Variants in PDGFD observed in about 807,000 individuals in gnomAD.
PDGFD encodes platelet-derived growth factor D.
Under a neutral mutation model 44.7 loss-of-function variants are expected in PDGFD, and 30 were observed. The observed-to-expected ratio is 0.67, with a 90% CI of 0.50 to 0.91. The LOEUF (loss-of-function observed/expected upper bound fraction) is 0.91. PDGFD is among the 40% of genes least tolerant of loss of function. The pLI is 0.00. For synonymous variants in PDGFD, 173 were observed against 168.4 expected (o/e 1.03, Z -0.21); for missense variants, 445 against 457.8 (o/e 0.97, Z 0.25).
chr11:104,128,190 T>C (rs1165255494), intron 1 of PDGFD, among the ~76,000 whole-genome samples: 1 of 138,506 alleles, frequency 7.2e-6, no homozygotes. Context: ...GAGACGAGTA[T>C]AAAGGGACAT....
intron 6 of PDGFD, among the ~76,000 whole-genome samples, chr11:103,925,686 T>C (rs1206633001): frequency 2.2e-5 from 2 of 89,864 alleles, no homozygotes; most frequent in African/African-American, 3.9e-5. Flanking sequence ...TGTGTATATA[T>C]ATATATATAT....
At chr11:104,148,764 GCCCC>G in intron 1 of PDGFD, among the ~76,000 whole-genome samples, 1 of 151,770 alleles carries the variant, frequency 6.6e-6, no homozygotes, top group Non-Finnish European at 1.5e-5. Flanking sequence ...CCTCTGAAAG[GCCCC>G]AGTGTGTGTT....
chr11:104,158,510 A>G (rs1269216749), intron 1 of PDGFD, among the ~76,000 whole-genome samples: 1 of 152,236 alleles, frequency 6.6e-6, no homozygotes, highest in Non-Finnish European at 1.5e-5. Context: ...ACTTAGCACA[A>G]TATACAGGAG....
chr11:103,957,300 T>C (rs1198600072), intron 3 of PDGFD, among the ~76,000 whole-genome samples: 1 of 152,178 alleles, frequency 6.6e-6, no homozygotes, highest in African/African-American at 2.4e-5. Context: ...CCCAAGGTAA[T>C]TTATAGATTC....
intron 1 of PDGFD, among the ~76,000 whole-genome samples, chr11:104,016,793 G>A (rs1859864460): frequency 6.6e-6 from 1 of 152,204 alleles, no homozygotes; most frequent in South Asian, 2.1e-4. Context: ...CTCTGAACAA[G>A]GTGGTTATAA....
chr11:104,159,026 G>A (rs35311303), intron 1 of PDGFD, among the ~76,000 whole-genome samples: 4,805 of 151,728 alleles, frequency 0.032, 135 homozygotes, highest in Admixed American at 0.082. Context: ...GGTGGTAGGC[G>A]CCTGTAGTCC....
At chr11:104,105,517 T>C (rs933023834) in intron 1 of PDGFD, among the ~76,000 whole-genome samples, 18 of 152,132 alleles carry the variant, frequency 1.2e-4, no homozygotes, top group African/African-American at 4.3e-4. Context: ...CTAACTCACA[T>C]AAGACTAAAA....
chr11:104,022,828 GAC>G (rs994073945), intron 1 of PDGFD, among the ~76,000 whole-genome samples: 4 of 151,810 alleles, frequency 2.6e-5, no homozygotes, highest in African/African-American at 9.7e-5. Flanking sequence ...CACACACATA[GAC>G]ACACACACTC....
intron 1 of PDGFD, among the ~76,000 whole-genome samples, chr11:104,121,066 C>A (rs954250599): frequency 9.2e-5 from 14 of 152,058 alleles, no homozygotes; most frequent in South Asian, 4.1e-4. Context: ...TTTAATCCAA[C>A]AAAAGCAATT....
chr11:104,143,475 G>A (rs1445164226), intron 1 of PDGFD, among the ~76,000 whole-genome samples: 1 of 152,168 alleles, frequency 6.6e-6, no homozygotes, highest in Non-Finnish European at 1.5e-5. Context: ...AAACCTGGCA[G>A]CCGAAGGTCT....
chr11:103,978,862 T>C (rs1346579207), intron 3 of PDGFD, among the ~76,000 whole-genome samples: 1 of 152,036 alleles, frequency 6.6e-6, no homozygotes, highest in Non-Finnish European at 1.5e-5. Flanking sequence ...GCTATTAAAA[T>C]GGTAAAATGA....
intron 6 of PDGFD, among the ~76,000 whole-genome samples, chr11:103,916,863 C>T (rs1304611639): frequency 6.6e-6 from 1 of 152,144 alleles, no homozygotes; most frequent in Non-Finnish European, 1.5e-5. Context: ...CACATGTTCT[C>T]ACTTGTAAGT....
chr11:104,003,385 T>C (rs1859649258), intron 1 of PDGFD, among the ~76,000 whole-genome samples: 1 of 152,160 alleles, frequency 6.6e-6, no homozygotes, highest in South Asian at 2.1e-4. Flanking sequence ...GGTGAATAGT[T>C]TGTTAAAAGG....
chr11:104,036,905 G>A (rs780308662), intron 1 of PDGFD: 11 of 1,614,164 alleles, frequency 6.8e-6, no homozygotes, highest in Non-Finnish European at 9.3e-6. Context: ...TTTGAGCTCC[G>A]AAACTTCAAG....
chr11:104,124,746 G>A (rs904327534), intron 1 of PDGFD, among the ~76,000 whole-genome samples: 1 of 152,010 alleles, frequency 6.6e-6, no homozygotes, highest in African/African-American at 2.4e-5. Context: ...AAAAAAATGA[G>A]GGTTTCCTTC....
intron 1 of PDGFD, among the ~76,000 whole-genome samples, chr11:104,113,591 T>C (rs1329204602): frequency 6.9e-6 from 1 of 145,312 alleles, no homozygotes; most frequent in South Asian, 2.1e-4. Context: ...ACTGCAGTGT[T>C]TTTTTTTTTT....
intron 1 of PDGFD, among the ~76,000 whole-genome samples, chr11:104,149,783 A>T (rs565627669): frequency 9.2e-5 from 14 of 152,326 alleles, no homozygotes; most frequent in African/African-American, 3.4e-4. Context: ...GGCAGGACCC[A>T]GCCGGAGTAT....
At chr11:104,077,187 A>T (rs538014758) in intron 1 of PDGFD, among the ~76,000 whole-genome samples, 5 of 152,274 alleles carry the variant, frequency 3.3e-5, no homozygotes, top group African/African-American at 1.2e-4. Context: ...AAAAATTTTT[A>T]AGAAAGGAAA....
At chr11:104,011,732 G>T (rs993536915) in intron 1 of PDGFD, among the ~76,000 whole-genome samples, 1 of 151,948 alleles carries the variant, frequency 6.6e-6, no homozygotes, top group African/African-American at 2.4e-5. Flanking sequence ...ATTTATAAAG[G>T]TTGTACTATG....
Sources: gnomAD v4.1 joint callset for allele counts (sites outside exome capture counted in the v4.1 genomes callset) on GRCh38, gnomAD v4.1.1 for gene constraint, MANE v1.5 for transcripts, NCBI Gene and HGNC (gene_info 2026-07-23, HGNC 2026-07-21) for gene names.